Variants in SV2C observed in about 807,000 individuals in gnomAD.
SV2C encodes solute carrier family 22 member B3.
A neutral mutation model predicts 79.7 loss-of-function variants in SV2C; 49 were observed. The observed-to-expected ratio is 0.61, with a 90% CI of 0.49 to 0.78. The LOEUF is 0.78. SV2C is among the 30% of genes least tolerant of loss of function. The probability of loss-of-function intolerance (pLI) is 0.00; values close to 1 mark genes in which losing one functional copy is unlikely to be tolerated. For synonymous variants in SV2C, 334 were observed against 333.2 expected (o/e 1.00, Z -0.03); for missense variants, 833 against 912.9 (o/e 0.91, Z 1.13).
chr5:75,972,114 G>A, the SV2C span, among the ~76,000 whole-genome samples: 1 of 152,098 alleles, frequency 6.6e-6, no homozygotes, highest in Non-Finnish European at 1.5e-5. Context: ...GGGAAAACTG[G>A]CTAGCCATAT....
chr5:75,962,299 G>T, the SV2C span, among the ~76,000 whole-genome samples: 13 of 152,194 alleles, frequency 8.5e-5, no homozygotes, highest in South Asian at 2.7e-3. Flanking sequence ...CCAGGGTAAG[G>T]ACATGTGTTG....
the SV2C span, among the ~76,000 whole-genome samples, chr5:75,932,162 C>A: frequency 1.3e-5 from 2 of 152,198 alleles, no homozygotes; most frequent in South Asian, 2.1e-4. Flanking sequence ...TCAGCCCCTG[C>A]AGGCTGGCCT....
intron 4 of SV2C, among the ~76,000 whole-genome samples, chr5:76,227,705 A>C (rs762490450): frequency 1.3e-5 from 2 of 152,130 alleles, no homozygotes; most frequent in Non-Finnish European, 2.9e-5. Flanking sequence ...TAAACAGGCT[A>C]CTCAGGGGTG....
the SV2C span, among the ~76,000 whole-genome samples, chr5:76,045,577 T>G: frequency 1.3e-5 from 2 of 152,216 alleles, no homozygotes; most frequent in African/African-American, 4.8e-5. Flanking sequence ...CAATATGCAT[T>G]GAGCGAATTA....
the SV2C span, among the ~76,000 whole-genome samples, chr5:76,039,740 G>A: frequency 7.7e-6 from 1 of 130,524 alleles, no homozygotes; most frequent in Non-Finnish European, 1.6e-5. Flanking sequence ...TGGGCAACAA[G>A]AGTGGAACTC....
At chr5:76,095,649 C>A (rs1747530246) in intron 1 of SV2C, among the ~76,000 whole-genome samples, 1 of 151,996 alleles carries the variant, frequency 6.6e-6, no homozygotes, top group Non-Finnish European at 1.5e-5. Context: ...AGAATCATTT[C>A]TATTTCATTA....
intron 4 of SV2C, among the ~76,000 whole-genome samples, chr5:76,268,981 G>A (rs1426640405): frequency 6.6e-6 from 1 of 152,224 alleles, no homozygotes; most frequent in African/African-American, 2.4e-5. Context: ...ACCTCTGTTA[G>A]AAAACGAAGT....
At chr5:76,182,538 A>G (rs1213411355) in intron 2 of SV2C, among the ~76,000 whole-genome samples, 1 of 152,052 alleles carries the variant, frequency 6.6e-6, no homozygotes, top group Non-Finnish European at 1.5e-5. Context: ...TCTTTTTTCC[A>G]GGGTCAGTAC....
At chr5:75,980,963 C>T in the SV2C span, among the ~76,000 whole-genome samples, 1 of 152,112 alleles carries the variant, frequency 6.6e-6, no homozygotes, top group Non-Finnish European at 1.5e-5. Flanking sequence ...GCTAGAAAGC[C>T]CCATACTCTC....
At chr5:76,269,509 G>A (rs139110895) in intron 4 of SV2C, among the ~76,000 whole-genome samples, 3 of 152,310 alleles carry the variant, frequency 2.0e-5, no homozygotes, top group Non-Finnish European at 2.9e-5. Context: ...CTGGCACATG[G>A]TGGGTGCATT....
intron 4 of SV2C, among the ~76,000 whole-genome samples, chr5:76,248,228 C>T (rs528086612): frequency 6.6e-6 from 1 of 152,280 alleles, no homozygotes; most frequent in East Asian, 1.9e-4. Context: ...TAACAAAGTG[C>T]CACAGACTGG....
At chr5:76,056,938 A>G in the SV2C span, among the ~76,000 whole-genome samples, 6 of 151,940 alleles carry the variant, frequency 3.9e-5, no homozygotes, top group Non-Finnish European at 5.9e-5. Context: ...TGTTAATTAA[A>G]AAAACAGTTC....
At chr5:76,283,205 C>A (rs72775722) in intron 4 of SV2C, among the ~76,000 whole-genome samples, 1 of 151,942 alleles carries the variant, frequency 6.6e-6, no homozygotes, top group African/African-American at 2.4e-5. Flanking sequence ...CCTAGCTACT[C>A]GGGACTCCTG....
At chr5:76,069,494 G>A in the SV2C span, among the ~76,000 whole-genome samples, 4 of 152,206 alleles carry the variant, frequency 2.6e-5, no homozygotes, top group Non-Finnish European at 4.4e-5. Context: ...GGGCCCCTCC[G>A]CTCAGGCCTC....
upstream of SV2C, chr5:76,079,430 G>T: frequency 3.4e-6 from 1 of 295,714 alleles, no homozygotes; most frequent in South Asian, 4.4e-5. Context: ...TCTGATAGAA[G>T]ACTGCATTCC....
chr5:76,224,372 G>GT (rs1745179721), intron 4 of SV2C, among the ~76,000 whole-genome samples: 1 of 152,146 alleles, frequency 6.6e-6, no homozygotes, highest in African/African-American at 2.4e-5. Flanking sequence ...GTGTATGTGT[G>GT]TATTTCTTTG....
At chr5:76,303,597 A>G (rs1357025011) in intron 12 of SV2C, among the ~76,000 whole-genome samples, 2 of 152,186 alleles carry the variant, frequency 1.3e-5, no homozygotes, top group African/African-American at 2.4e-5. Flanking sequence ...CTCTGCCATA[A>G]GGAATAGAAG....
At chr5:75,937,840 C>T in the SV2C span, among the ~76,000 whole-genome samples, 1 of 151,696 alleles carries the variant, frequency 6.6e-6, no homozygotes, top group East Asian at 1.9e-4. Flanking sequence ...TCTATAACTT[C>T]ATTTATGTTC....
intron 1 of SV2C, among the ~76,000 whole-genome samples, chr5:76,090,335 G>C (rs1301848775): frequency 1.3e-5 from 2 of 152,196 alleles, no homozygotes; most frequent in African/African-American, 2.4e-5. Context: ...AGGTGGTCTT[G>C]TTAAGCTATG....
Sources: allele counts gnomAD v4.1 joint callset (sites outside exome capture counted in the v4.1 genomes callset), GRCh38; gene constraint gnomAD v4.1.1; transcripts MANE v1.5; gene names NCBI Gene and HGNC (gene_info 2026-07-23, HGNC 2026-07-21).